AUH: variants seen among roughly 807,000 people sequenced by gnomAD.
AUH encodes the protein AU RNA binding methylglutaconyl-CoA hydratase, also known as methylglutaconyl-CoA hydratase, mitochondrial.
A neutral mutation model predicts 42.3 loss-of-function variants in AUH; 29 were observed. The observed-to-expected ratio is 0.69, with a 90% confidence interval of 0.51 to 0.93. The LOEUF is 0.93. AUH is among the 40% of genes least tolerant of loss of function. The pLI is 0.00. For missense variants in AUH, 452 were observed against 438.1 expected, an observed-to-expected ratio of 1.03 and a Z score of -0.28; for synonymous variants, 174 against 166.4, an observed-to-expected ratio of 1.05 and a Z score of -0.35.
intron 3 of AUH, among the ~76,000 whole-genome samples, chr9:91,334,652 T>TC (rs1340855255): frequency 1.3e-5 from 2 of 152,220 alleles, no homozygotes; most frequent in Non-Finnish European, 2.9e-5. Context: ...TTGATACTAT[T>TC]TATCTGGAGA....
chr9:91,288,493 G>C (rs1031659709), intron 6 of AUH, among the ~76,000 whole-genome samples: 1 of 152,054 alleles, frequency 6.6e-6, no homozygotes, highest in African/African-American at 2.4e-5. Flanking sequence ...ATAAAATTAC[G>C]ACAAGGTTCT....
intron 6 of AUH, among the ~76,000 whole-genome samples, chr9:91,239,485 G>A (rs57132816): frequency 6.6e-6 from 1 of 152,166 alleles, no homozygotes; most frequent in African/African-American, 2.4e-5. Context: ...CTCTGTGTCA[G>A]ATGGCCTAGG....
At chr9:91,278,430 C>A (rs538312593) in intron 6 of AUH, among the ~76,000 whole-genome samples, 1 of 152,110 alleles carries the variant, frequency 6.6e-6, no homozygotes, top group African/African-American at 2.4e-5. Context: ...CTCTGAGTGA[C>A]AAGTAACTAT....
At chr9:91,218,680 C>CT in intron 7 of AUH, 1 of 985,310 alleles carries the variant, frequency 1.0e-6, no homozygotes, top group South Asian at 4.7e-5. Flanking sequence ...TTGTTTCCTC[C>CT]TTAAAACATT....
intron 3 of AUH, among the ~76,000 whole-genome samples, chr9:91,343,777 T>G (rs1025715678): frequency 1.6e-4 from 24 of 152,130 alleles, no homozygotes; most frequent in African/African-American, 5.8e-4. Context: ...ATAGATTCAA[T>G]GTAGTAAAAG....
At chr9:91,238,035 C>G (rs1024002528) in intron 6 of AUH, among the ~76,000 whole-genome samples, 1 of 152,212 alleles carries the variant, frequency 6.6e-6, no homozygotes, top group African/African-American at 2.4e-5. Flanking sequence ...CAGTACTTCA[C>G]TACATGGGCT....
chr9:91,295,951 T>A, intron 6 of AUH, 70 bp downstream of exon 6: 6 of 1,542,432 alleles, frequency 3.9e-6, no homozygotes, highest in Non-Finnish European at 5.4e-6. Context: ...CCAATTAACA[T>A]GATTTTGCCT....
In AUH at chr9:91,355,463, G is replaced by A. The variant is rs113907104; in HGVS notation, c.418+420C>T. 1.7e-3 allele frequency among the ~76,000 whole-genome samples: 259 copies of A among 152,050 alleles called. 1 individual carries two copies. Among genetic ancestry groups the A allele is most frequent in the African/African-American group, 5.7e-3 (238 of 41,496 alleles). ...TCCCAGCTACTCGGGGGGCTGAGGC[G>A]GGAGAATCACTTGAACTGGGGAGAC... On this transcript the variant is annotated intron_variant, in intron 3 of 9. Transcript: ENST00000375731.
intron 4 of AUH, among the ~76,000 whole-genome samples, chr9:91,320,073 C>T (rs542692280): frequency 6.6e-6 from 1 of 152,306 alleles, no homozygotes; most frequent in African/African-American, 2.4e-5. Context: ...TGCTGCATGA[C>T]ATGGATACAT....
At chr9:91,293,222 T>C (rs1231986867) in intron 6 of AUH, among the ~76,000 whole-genome samples, 1 of 151,942 alleles carries the variant, frequency 6.6e-6, no homozygotes, top group African/African-American at 2.4e-5. Context: ...AGTGTTCAAG[T>C]AGAGCAAAGA....
At chr9:91,352,250 G>A (rs1221156876) in intron 3 of AUH, among the ~76,000 whole-genome samples, 1 of 152,122 alleles carries the variant, frequency 6.6e-6, no homozygotes, top group Non-Finnish European at 1.5e-5. Flanking sequence ...ACTCCTGCAT[G>A]GGTGACAGGG....
At chr9:91,280,299 A>T (rs1033138716) in intron 6 of AUH, among the ~76,000 whole-genome samples, 2 of 152,210 alleles carry the variant, frequency 1.3e-5, no homozygotes, top group African/African-American at 4.8e-5. Context: ...GATTCTTGAG[A>T]CCATTTATTT....
In AUH at chr9:91,299,780, C is replaced by T. The variant is rs143449835; in HGVS notation, c.506-1704G>A. ...AGTAGAATGTAATGACTTTGGTTAC[C>T]GACTCTCAACTCCTCTTCCTTCCTA... is the stretch of plus-strand genomic sequence containing the variant. On this transcript the variant is annotated intron_variant, in intron 4 of 9. Coordinates refer to ENST00000375731, the MANE Select transcript of AUH (RefSeq NM_001698.3). 3.4e-4 allele frequency among the ~76,000 whole-genome samples: 51 copies of T among 152,178 alleles called. 1 individual carries two copies. The East Asian group carries it at 6.0e-3, about 18-fold the overall frequency.
chr9:91,354,557 G>C (rs1832261387), intron 3 of AUH, among the ~76,000 whole-genome samples: 3 of 152,084 alleles, frequency 2.0e-5, no homozygotes, highest in Non-Finnish European at 4.4e-5. Flanking sequence ...CAGAAATCTA[G>C]AACAAATGGG....
At position 91,214,095 on chromosome 9, in the gene AUH, A is replaced by T. The variant is rs1271812699; in HGVS notation, c.*253T>A. The T allele has an allele frequency of 7.5e-6, 3 of 400,282 alleles. No individual in the cohort carries two copies. In the South Asian group the frequency reaches 9.4e-5, roughly 13 times the overall value. 24.8% of individuals were successfully genotyped at this position (400,282 alleles called of 1,614,324 possible). Reference sequence around the variant, plus strand: ...AAAGCCTCATATGCAGTAAATATTTAAAAATGTATATCTAACTTTGATTCT... The same window carrying T: ...AAAGCCTCATATGCAGTAAATATTTTAAAATGTATATCTAACTTTGATTCT... On this transcript the variant is annotated 3_prime_UTR_variant, in exon 10 of 10. Coordinates refer to ENST00000375731, the MANE Select transcript of AUH (RefSeq NM_001698.3).
intron 3 of AUH, chr9:91,342,981 G>A (rs10739914): frequency 0.88 from 133,527 of 152,210 alleles, 59,074 homozygotes; most frequent in East Asian, 0.95. Context: ...CTTCCTTATG[G>A]TTTTCTTAGT....
At chr9:91,286,047 T>C (rs761102568) in intron 6 of AUH, among the ~76,000 whole-genome samples, 47 of 152,150 alleles carry the variant, frequency 3.1e-4, no homozygotes, top group Admixed American at 1.4e-3. Flanking sequence ...TTAATCATAT[T>C]TGGCACAGAA....
chr9:91,281,499 G>C (rs1463414112), intron 6 of AUH, among the ~76,000 whole-genome samples: 1 of 152,096 alleles, frequency 6.6e-6, no homozygotes, highest in Non-Finnish European at 1.5e-5. Context: ...TTCCACCCAG[G>C]CTGCTCTCGA....
intron 8 of AUH, among the ~76,000 whole-genome samples, chr9:91,216,768 G>A (rs1352270824): frequency 6.6e-6 from 1 of 152,136 alleles, no homozygotes; most frequent in African/African-American, 2.4e-5. Context: ...CTCCTCCCAG[G>A]CCTGGGGCCT....
Sources: allele counts gnomAD v4.1 joint callset (sites outside exome capture counted in the v4.1 genomes callset), GRCh38; gene constraint gnomAD v4.1.1; transcripts MANE v1.5; gene names NCBI Gene and HGNC (gene_info 2026-07-23, HGNC 2026-07-21).